STK32B: variants seen among roughly 807,000 people sequenced by gnomAD.
STK32B encodes serine/threonine kinase 32B.
A neutral mutation model predicts 52.6 loss-of-function variants in STK32B; 43 were observed. The observed-to-expected ratio is 0.82, with a 90% CI of 0.64 to 1.05. The LOEUF is 1.05. Ranked by LOEUF, STK32B falls within the 50% of genes least tolerant of loss-of-function variation. STK32B has a pLI of 0.00. For synonymous variants in STK32B, 238 were observed against 204.3 expected, an observed-to-expected ratio of 1.17 and a Z score of -1.41; for missense variants, 621 against 534.6, an observed-to-expected ratio of 1.16 and a Z score of -1.59.
In STK32B at chr4:5,399,161, A is replaced by G. The variant is rs1018187751; in HGVS notation, c.472+917A>G. 6.6e-6 allele frequency among the ~76,000 whole-genome samples: 1 copy of G among 152,198 alleles called. No homozygotes were observed. Among genetic ancestry groups the G allele is most frequent in the Non-Finnish European group, 1.5e-5 (1 of 68,030 alleles). On this transcript the variant is annotated intron_variant, in intron 5 of 11. Transcript: ENST00000282908. The surrounding 1 kb of genome is among the most constrained non-coding windows in gnomAD (Gnocchi z 5.4). ...AGCCTTCAAAACTAAATTCACTGGC[A>G]TTGCTTCAGGGGCCCGTCTCTCAGG...
At chr4:5,443,693 C>T (rs1715023581) in intron 6 of STK32B, among the ~76,000 whole-genome samples, 1 of 151,154 alleles carries the variant, frequency 6.6e-6, no homozygotes, top group Non-Finnish European at 1.5e-5. Flanking sequence ...TTTAGAGTTT[C>T]CAGTTTTTCT....
chr4:5,173,763 A>T (rs1462594248), intron 3 of STK32B, among the ~76,000 whole-genome samples: 3 of 152,332 alleles, frequency 2.0e-5, no homozygotes, highest in African/African-American at 7.2e-5. Context: ...TGTGGTGCTG[A>T]AAAGAATGTA....
intron 3 of STK32B, among the ~76,000 whole-genome samples, chr4:5,209,880 A>G (rs965695461): frequency 1.4e-4 from 21 of 152,178 alleles, no homozygotes; most frequent in Admixed American, 1.2e-3. Flanking sequence ...TGGCCCCCCA[A>G]CTGTCTACTT....
intron 1 of STK32B, among the ~76,000 whole-genome samples, chr4:5,076,165 G>A (rs1159170975): frequency 6.6e-6 from 1 of 152,126 alleles, no homozygotes; most frequent in Non-Finnish European, 1.5e-5. Flanking sequence ...AGAACCCAAA[G>A]TCAAAAGTTG....
chr4:5,467,219 C>G lies in STK32B; in HGVS notation c.1041+385C>G, dbSNP rs940683729. On this transcript the variant is annotated intron_variant, in intron 10 of 11. Coordinates refer to ENST00000282908, the MANE Select transcript of STK32B (RefSeq NM_018401.3). The surrounding 1 kb of genome is among the most constrained non-coding windows in gnomAD (Gnocchi z 5.8). ...ATTCGTTTCCTGGGGCTGCCACAAGCTAGGTGGCTTAAAACAACCCACATT... is the reference window on the plus strand; with the variant it reads ...ATTCGTTTCCTGGGGCTGCCACAAGGTAGGTGGCTTAAAACAACCCACATT... Among the ~76,000 whole-genome samples, 3 of 152,182 alleles carry G rather than the reference C, an allele frequency of 2.0e-5. No homozygotes were observed. Among genetic ancestry groups the G allele is most frequent in the Non-Finnish European group, 4.4e-5 (3 of 68,032 alleles).
intron 1 of STK32B, among the ~76,000 whole-genome samples, chr4:5,063,683 T>A (rs1052659581): frequency 4.6e-5 from 7 of 152,222 alleles, no homozygotes; most frequent in African/African-American, 1.7e-4. Flanking sequence ...ATTAGTTTAT[T>A]CACACTGTGT....
rs542744130 is a variant in STK32B at position 5,309,925 on chromosome 4, G to A, written c.261-21295G>A. Reference sequence around the variant, plus strand: ...TCATGCTTGTAATCCCAGCACTTTGGGAGGCCAAGGCAAGTGGATCACCTG... The same window carrying A: ...TCATGCTTGTAATCCCAGCACTTTGAGAGGCCAAGGCAAGTGGATCACCTG... On this transcript the variant is annotated intron_variant, in intron 3 of 11. Coordinates refer to ENST00000282908, the MANE Select transcript of STK32B (RefSeq NM_018401.3). 9.9e-4 allele frequency among the ~76,000 whole-genome samples: 150 copies of A among 152,252 alleles called. 1 individual carries two copies. Among genetic ancestry groups the A allele is most frequent in the African/African-American group, 3.5e-3 (145 of 41,546 alleles).
intron 3 of STK32B, among the ~76,000 whole-genome samples, chr4:5,323,827 C>T (rs1317056502): frequency 6.6e-6 from 1 of 152,076 alleles, no homozygotes; most frequent in African/African-American, 2.4e-5. Flanking sequence ...GGAAAAGAGA[C>T]CAGAAGAGCA....
chr4:5,332,304 T>C (rs1433398790), intron 4 of STK32B, among the ~76,000 whole-genome samples: 2 of 152,080 alleles, frequency 1.3e-5, no homozygotes, highest in Admixed American at 1.3e-4. Context: ...TGTAGAGTGA[T>C]CGATGACTTA....
At chr4:5,206,740 C>G (rs1049568007) in intron 3 of STK32B, among the ~76,000 whole-genome samples, 6 of 152,150 alleles carry the variant, frequency 3.9e-5, no homozygotes, top group African/African-American at 1.4e-4. Flanking sequence ...ACAGCATCTG[C>G]CAGAACCATT....
At chr4:5,245,035 G>T (rs1330184101) in intron 3 of STK32B, among the ~76,000 whole-genome samples, 3 of 152,194 alleles carry the variant, frequency 2.0e-5, no homozygotes, top group African/African-American at 7.2e-5. Context: ...GTGCTGAAAA[G>T]AATGTGTATT....
At chr4:5,305,705 G>A (rs747709427) in intron 3 of STK32B, among the ~76,000 whole-genome samples, 10 of 151,852 alleles carry the variant, frequency 6.6e-5, no homozygotes, top group African/African-American at 2.2e-4. Flanking sequence ...ATTTTATTTA[G>A]TTCTGCTCGG....
intron 3 of STK32B, among the ~76,000 whole-genome samples, chr4:5,241,268 T>C (rs1003535299): frequency 6.6e-6 from 1 of 152,232 alleles, no homozygotes; most frequent in Non-Finnish European, 1.5e-5. Context: ...GCTGCACTTA[T>C]CTGGGTTTTG....
chr4:5,174,343 TATG>T (rs1719645896), intron 3 of STK32B, among the ~76,000 whole-genome samples: 1 of 152,154 alleles, frequency 6.6e-6, no homozygotes, highest in Non-Finnish European at 1.5e-5. Flanking sequence ...ATCCTGTCAT[TATG>T]ATGTTAGCTG....
chr4:5,354,557 G>T (rs1485910563), intron 4 of STK32B, among the ~76,000 whole-genome samples: 1 of 152,168 alleles, frequency 6.6e-6, no homozygotes, highest in Non-Finnish European at 1.5e-5. Flanking sequence ...TGACCACCAC[G>T]CCTGGCCCCA....
chr4:5,298,864 G>C (rs1271683870), intron 3 of STK32B, among the ~76,000 whole-genome samples: 2 of 151,836 alleles, frequency 1.3e-5, no homozygotes, highest in Non-Finnish European at 2.9e-5. Context: ...CCTGCAGCTA[G>C]CTCAGTGTCT....
chr4:5,163,412 A>C (rs1264384900), intron 2 of STK32B, among the ~76,000 whole-genome samples: 2 of 152,186 alleles, frequency 1.3e-5, no homozygotes, highest in African/African-American at 4.8e-5. Flanking sequence ...CAAGGATTAA[A>C]GGGAAGTTTC....
At chr4:5,327,498 A>G (rs191286278) in intron 3 of STK32B, among the ~76,000 whole-genome samples, 3 of 152,148 alleles carry the variant, frequency 2.0e-5, no homozygotes, top group East Asian at 3.9e-4. Context: ...TGAAAACAAC[A>G]TTAATCTTGT....
intron 11 of STK32B, among the ~76,000 whole-genome samples, chr4:5,494,313 G>C (rs1362604561): frequency 6.6e-6 from 1 of 152,122 alleles, no homozygotes; most frequent in Admixed American, 6.5e-5. Flanking sequence ...TTGTTGAATT[G>C]ATCCCTTTAC....
Sources: allele counts gnomAD v4.1 joint callset (sites outside exome capture counted in the v4.1 genomes callset), GRCh38; gene constraint gnomAD v4.1.1; non-coding constraint Gnocchi (gnomAD v3.1); transcripts MANE v1.5; gene names NCBI Gene and HGNC (gene_info 2026-07-23, HGNC 2026-07-21).